Variants in HPX observed in about 807,000 individuals in gnomAD.
The protein encoded by HPX is hemopexin, also known as beta-1B-glycoprotein.
Under a neutral mutation model 53.8 loss-of-function variants are expected in HPX, and 42 were observed. That is an observed-to-expected ratio of 0.78 (90% confidence interval 0.61 to 1.01). The LOEUF (loss-of-function observed/expected upper bound fraction) is 1.01, where lower values mean the gene tolerates loss of function less well. Among genes scored for constraint, HPX ranks in the 50% least tolerant of loss-of-function variants. The pLI is 0.00. For synonymous variants in HPX, 229 were observed against 221.1 expected, an observed-to-expected ratio of 1.04 and a Z score of -0.32; for missense variants, 547 against 594.3, an observed-to-expected ratio of 0.92 and a Z score of 0.83.
chr11:6,436,103 T>A (rs1249670096), intron 7 of HPX, among the ~76,000 whole-genome samples: 1 of 152,230 alleles, frequency 6.6e-6, no homozygotes, highest in Non-Finnish European at 1.5e-5. Context: ...TACAGGTGTG[T>A]GTTTCATCTT....
At chr11:6,431,555 C>T (rs1849348399) in intron 9 of HPX, 85 bp from the exon 10 acceptor site, 10 of 1,606,770 alleles carry the variant, frequency 6.2e-6, no homozygotes, top group Admixed American at 3.4e-5. Flanking sequence ...GGATCCTGAC[C>T]TAGGCCTTCT....
intron 7 of HPX, among the ~76,000 whole-genome samples, chr11:6,435,873 C>T (rs1252451632): frequency 2.0e-5 from 3 of 152,216 alleles, no homozygotes; most frequent in Non-Finnish European, 4.4e-5. Context: ...GCCACATGGC[C>T]TTGAAGTTCT....
At chr11:6,432,517 T>C (rs964411860) in intron 7 of HPX, among the ~76,000 whole-genome samples, 3 of 152,230 alleles carry the variant, frequency 2.0e-5, no homozygotes, top group African/African-American at 7.2e-5. Context: ...TAAGGAATTA[T>C]CTAGGCTCCC....
At chr11:6,438,315 C>A in intron 5 of HPX, 41 bp downstream of exon 5, 1 of 1,604,554 alleles carries the variant, frequency 6.2e-7, no homozygotes, top group Non-Finnish European at 8.5e-7. Context: ...CACTACCAAC[C>A]CACCACTACT....
intron 2 of HPX, 53 bp from the exon 3 acceptor site, chr11:6,440,591 AAAAAAAAAAAAAC>A: frequency 3.9e-5 from 52 of 1,321,948 alleles, no homozygotes; most frequent in Non-Finnish European, 5.0e-5. Flanking sequence ...AAAAAAAAAA[AAAAAAAAAAAAAC>A]CAGAAGGTGA....
At chr11:6,437,331 C>T (rs926407423) in intron 6 of HPX, 109 bp downstream of exon 6, 5 of 1,375,588 alleles carry the variant, frequency 3.6e-6, no homozygotes, top group Non-Finnish European at 4.1e-6. Flanking sequence ...AGATTAAGGG[C>T]CAAGGTGTCG....
intron 4 of HPX, among the ~76,000 whole-genome samples, chr11:6,438,866 T>C (rs1678271022): frequency 6.6e-6 from 1 of 152,214 alleles, no homozygotes; most frequent in South Asian, 2.1e-4. Flanking sequence ...ATTCATTCAT[T>C]CATCCAAGAA....
rs778515074 is a variant in HPX at position 6,432,013 on chromosome 11, G to A, written c.840C>T (p.Thr280=). The A allele has an allele frequency of 6.2e-7, 1 of 1,614,172 alleles. No homozygotes were observed. ...GGCTGGTGTCCAGACGCCAGTAGTG[G>A]GTCCCTGTGGAATACCATAGGTTGC... ...NHGATYAFSG[T]HYWRLDTSRD... Residue 280 remains threonine, a synonymous_variant, in exon 8 of 10, where the codon ACC becomes ACT. Coordinates refer to ENST00000265983, the MANE Select transcript of HPX (RefSeq NM_000613.3).
chr11:6,438,536 A>C (rs770680264), intron 4 of HPX, 27 bp from the exon 5 acceptor site: 29 of 1,609,706 alleles, frequency 1.8e-5, no homozygotes, highest in Non-Finnish European at 2.3e-5. Flanking sequence ...TCTCTTTTTG[A>C]CTGTGCATCC....
chr11:6,435,610 C>T (rs193011603), intron 7 of HPX, among the ~76,000 whole-genome samples: 192 of 152,126 alleles, frequency 1.3e-3, no homozygotes, highest in Middle Eastern at 3.4e-3. Flanking sequence ...CCACACCCGA[C>T]TAATTTTTAT....
At chr11:6,434,895 G>A (rs1358573417) in intron 7 of HPX, among the ~76,000 whole-genome samples, 1 of 152,072 alleles carries the variant, frequency 6.6e-6, no homozygotes, top group Non-Finnish European at 1.5e-5. Context: ...GATGGTCCAC[G>A]TGCAAGCCAA....
At chr11:6,438,312 A>T in intron 5 of HPX, 44 bp downstream of exon 5, 2 of 1,601,860 alleles carry the variant, frequency 1.2e-6, no homozygotes, top group Non-Finnish European at 1.7e-6. Context: ...CATCACTACC[A>T]ACCCACCACT....
chr11:6,431,898 A>G lies in HPX; in HGVS notation c.955T>C (p.Tyr319His). The G allele has an allele frequency of 6.2e-7, 1 of 1,614,180 alleles. No homozygotes were observed. ...DAAFSWEEKLYLVQGTQVYVF... is the reference protein window; with the variant it reads ...DAAFSWEEKLHLVQGTQVYVF... ...CCCCCAATACACACCTGGACCAGAT[A>G]GAGTTTTTCTTCCCAGGAAAAGGCA... The change falls in exon 8 of 10, where the codon TAT becomes CAT. Residue 319 changes from tyrosine (Y) to histidine (H), a missense_variant. Physicochemically the swap from Tyr to His is moderately conservative, Grantham distance 83. Transcript: ENST00000265983.
At chr11:6,436,034 C>G (rs1005308784) in intron 7 of HPX, among the ~76,000 whole-genome samples, 3 of 152,152 alleles carry the variant, frequency 2.0e-5, no homozygotes, top group African/African-American at 4.8e-5. Flanking sequence ...TGTGTGTTCT[C>G]TTGATACTTA....
At chr11:6,435,461 G>T (rs1422518472) in intron 7 of HPX, among the ~76,000 whole-genome samples, 2 of 151,100 alleles carry the variant, frequency 1.3e-5, no homozygotes, top group African/African-American at 4.9e-5. Context: ...GTTTTGTTTT[G>T]TTTTTTGTTT....
chr11:6,440,296 C>T lies in HPX; in HGVS notation c.215-10G>A, dbSNP rs532249407. 23 of 1,613,590 alleles carry T rather than the reference C, an allele frequency of 1.4e-5. No homozygotes were observed. The highest frequency in any genetic ancestry group is 1.9e-5 in the Non-Finnish European group (23 of 1,179,976). On this transcript the variant is annotated splice_polypyrimidine_tract_variant and intron_variant, in intron 3 of 9. Transcript: ENST00000265983. ...TTCCACACAAACTCCCCTGAAAAAA[C>T]CCACACTCACTGAGGGGCCCAGTGA...
In HPX at chr11:6,440,295, A is replaced by C. The variant is rs758110929; in HGVS notation, c.215-9T>G. On this transcript the variant is annotated splice_polypyrimidine_tract_variant and intron_variant, in intron 3 of 9. Transcript: ENST00000265983. ...CTTCCACACAAACTCCCCTGAAAAA[A>C]CCCACACTCACTGAGGGGCCCAGTG... 1.6e-5 allele frequency: 26 copies of C among 1,613,402 alleles called. No individual in the cohort carries two copies. Among genetic ancestry groups the C allele is most frequent in the East Asian group, 1.3e-4 (6 of 44,878 alleles).
chr11:6,434,512 G>A (rs991073543), intron 7 of HPX, among the ~76,000 whole-genome samples: 1 of 151,988 alleles, frequency 6.6e-6, no homozygotes, highest in Non-Finnish European at 1.5e-5. Flanking sequence ...TGTATTTTTA[G>A]TAGAGATGAG....
chr11:6,432,584 A>C (rs987285542), intron 7 of HPX, among the ~76,000 whole-genome samples: 1 of 152,146 alleles, frequency 6.6e-6, no homozygotes, highest in African/African-American at 2.4e-5. Context: ...TCAACCATTG[A>C]AATTGTTCTT....
Sources: allele counts gnomAD v4.1 joint callset (sites outside exome capture counted in the v4.1 genomes callset), GRCh38; gene constraint gnomAD v4.1.1; transcripts MANE v1.5; gene names NCBI Gene and HGNC (gene_info 2026-07-23, HGNC 2026-07-21).